The following TXNDC11 variants were observed in gnomAD, a reference collection of about 807,000 sequenced individuals.
The protein encoded by TXNDC11 is thioredoxin domain-containing protein 11.
A neutral mutation model predicts 78.0 loss-of-function variants in TXNDC11; 68 were observed. That is an observed-to-expected ratio of 0.87 (90% CI 0.72 to 1.07). TXNDC11 has a LOEUF of 1.07. TXNDC11 is among the 50% of genes least tolerant of loss of function. TXNDC11 has a pLI of 0.00. For synonymous variants in TXNDC11, 571 were observed against 495.2 expected (o/e 1.15, Z -2.03); for missense variants, 1,389 against 1,221.8 (o/e 1.14, Z -2.04).
chr16:11,721,075 G>A (rs2051690833), intron 5 of TXNDC11, among the ~76,000 whole-genome samples: 1 of 151,932 alleles, frequency 6.6e-6, no homozygotes, highest in African/African-American at 2.4e-5. Flanking sequence ...AAACATTTGC[G>A]AGACTATATG....
In TXNDC11 at chr16:11,687,950, T is replaced by A. The variant is rs574964364; in HGVS notation, c.2060A>T (p.Tyr687Phe). The A allele has an allele frequency of 4.4e-5, 71 of 1,613,454 alleles. No individual in the cohort carries two copies. The highest frequency in any genetic ancestry group is 5.6e-5 in the Non-Finnish European group (66 of 1,179,670). The change falls in exon 10 of 12, where the codon TAT becomes TTT. Residue 687 changes from tyrosine (Y) to phenylalanine (F), a missense_variant. Coordinates refer to ENST00000283033, the MANE Select transcript of TXNDC11 (RefSeq NM_015914.7). ...ACAGAAGCCGCACCACGGAGCGTAA[T>A]AGAGCAGGAGAACGTCCTGTGGGAA... ...VLQKQDVLLL[Y>F]YAPWCGFCPS...
chr16:11,698,183 G>A lies in TXNDC11; in HGVS notation c.1049C>T (p.Ala350Val), dbSNP rs370268157. The change falls in exon 7 of 12, where the codon GCG becomes GTG. Residue 350 changes from alanine (A) to valine (V), a missense_variant. Transcript: ENST00000283033. Reference protein sequence around the residue: ...LLNNELKKGPALFLFIPFNPL... With the variant: ...LLNNELKKGPVLFLFIPFNPL... ...ATTAAAAGGTATGAACAGAAACAGC[G>A]CTGGTCCTTTCTTCAGCTCGTTATT... 8.8e-5 allele frequency: 142 copies of A among 1,614,104 alleles called. No homozygotes were observed. Among genetic ancestry groups the A allele is most frequent in the Non-Finnish European group, 1.1e-4 (134 of 1,180,046 alleles).
At chr16:11,729,035 G>C (rs1394185535) in intron 4 of TXNDC11, among the ~76,000 whole-genome samples, 1 of 151,498 alleles carries the variant, frequency 6.6e-6, no homozygotes, top group Non-Finnish European at 1.5e-5. Context: ...AATCAATGGA[G>C]TACTGCTAAA....
intron 1 of TXNDC11, among the ~76,000 whole-genome samples, chr16:11,741,132 C>T (rs191679415): frequency 1.9e-4 from 29 of 152,262 alleles, no homozygotes; most frequent in Non-Finnish European, 2.6e-4. Flanking sequence ...AGTACCTGGC[C>T]TATGGAAAAT....
At chr16:11,730,823 C>T (rs1408911800) in intron 3 of TXNDC11, 49 bp from the exon 4 acceptor site, 26 of 1,396,988 alleles carry the variant, frequency 1.9e-5, no homozygotes, top group Middle Eastern at 2.4e-4. Flanking sequence ...AAATAATACA[C>T]CATGCATTAA....
intron 5 of TXNDC11, among the ~76,000 whole-genome samples, chr16:11,702,973 C>G (rs897714688): frequency 2.0e-5 from 3 of 152,046 alleles, no homozygotes; most frequent in Non-Finnish European, 4.4e-5. Context: ...ATAAGCCAGG[C>G]TGGGGAAAGG....
Position 11,691,709 on chromosome 16 carries a change from T to C in TXNDC11, c.1481A>G (p.Asn494Ser), listed in dbSNP as rs777223555. ...HVASDSIECS[N>S]FLTSYSPFSY... is the part of the protein sequence containing the mutation. ...GAAGGGGCTATAGGAAGTTAAAAAA[T>C]TGCTGCATTCTATGCTGTCTGATGC... Residue 494 changes from asparagine (N) to serine (S), a missense_variant, in exon 8 of 12, where the codon AAT becomes AGT. By Grantham distance (46) the Asn-to-Ser change is conservative. Transcript: ENST00000283033. 1 of 1,614,202 alleles carries C rather than the reference T, an allele frequency of 6.2e-7. No homozygotes were observed. Among genetic ancestry groups the C allele is most frequent in the Non-Finnish European group, 8.5e-7 (1 of 1,180,042 alleles).
chr16:11,679,207 G>T lies in TXNDC11; in HGVS notation c.2865C>A (p.Asn955Lys). The change falls in exon 12 of 12, where the codon AAC becomes AAA. Residue 955 changes from asparagine to lysine, a missense_variant. Coordinates refer to ENST00000283033, the MANE Select transcript of TXNDC11 (RefSeq NM_015914.7). The surrounding 1 kb of genome is among the most constrained non-coding windows in gnomAD (Gnocchi z 4.6). ...ATLVSERNKE[N>K]RTD is the part of the protein sequence containing the mutation. ...ATCATTTAAAAAGTTAGTCTGTCCTGTTCTCCTTATTCCTTTCAGACACCA... is the reference window on the plus strand; with the variant it reads ...ATCATTTAAAAAGTTAGTCTGTCCTTTTCTCCTTATTCCTTTCAGACACCA... 6.2e-7 allele frequency: 1 copy of T among 1,613,666 alleles called. No homozygotes were observed. Among genetic ancestry groups the T allele is most frequent in the Non-Finnish European group, 8.5e-7 (1 of 1,179,996 alleles).
At chr16:11,691,057 A>G (rs370735103) in intron 8 of TXNDC11, 8 of 541,148 alleles carry the variant, frequency 1.5e-5, no homozygotes, top group African/African-American at 1.3e-4. Flanking sequence ...TACCCCCACC[A>G]TGGGCTAAAT....
chr16:11,692,127 G>C (rs759098812), intron 7 of TXNDC11, 45 bp from the exon 8 acceptor site: 1 of 1,453,286 alleles, frequency 6.9e-7, no homozygotes, highest in Admixed American at 2.3e-5. Context: ...GGATGACTGA[G>C]GGACTAGCAC....
chr16:11,683,149 A>G (rs1334728733), intron 11 of TXNDC11, among the ~76,000 whole-genome samples: 1 of 152,210 alleles, frequency 6.6e-6, no homozygotes, highest in Non-Finnish European at 1.5e-5. Flanking sequence ...ATTAGGCTCT[A>G]AAGGACCAAG....
At chr16:11,683,731 T>C (rs1191395479) in intron 11 of TXNDC11, among the ~76,000 whole-genome samples, 1 of 151,706 alleles carries the variant, frequency 6.6e-6, no homozygotes, top group African/African-American at 2.4e-5. Context: ...TACAACCCTT[T>C]TATGTCCCTA....
rs752913474 is a variant in TXNDC11, at chr16:11,679,431, C to G, written c.2641G>C (p.Ala881Pro). The change falls in exon 12 of 12, where the codon GCC becomes CCC. Residue 881 changes from alanine to proline, a missense_variant. Ala to Pro is a conservative substitution (Grantham distance 27). Transcript: ENST00000283033. The surrounding 1 kb of genome is among the most constrained non-coding windows in gnomAD (Gnocchi z 4.6). ...QELARKLQEL[A>P]DASENLLTEN... ...GTAAGGAGGTTTTCTGAGGCATCGGCCAGCTCCTGCAGCTTGCGGGCCAGC... is the reference window on the plus strand; with the variant it reads ...GTAAGGAGGTTTTCTGAGGCATCGGGCAGCTCCTGCAGCTTGCGGGCCAGC... 4.3e-6 allele frequency: 7 copies of G among 1,613,324 alleles called. No homozygotes were observed. In the African/African-American group the frequency reaches 8.0e-5, roughly 18 times the overall value.
intron 5 of TXNDC11, among the ~76,000 whole-genome samples, chr16:11,702,187 T>C (rs74008197): frequency 0.038 from 5,850 of 152,052 alleles, 388 homozygotes; most frequent in African/African-American, 0.13. Context: ...TGGTTTGATG[T>C]TGGAGAACGA....
intron 2 of TXNDC11, among the ~76,000 whole-genome samples, chr16:11,735,794 G>A (rs930423809): frequency 6.6e-6 from 1 of 152,192 alleles, no homozygotes; most frequent in African/African-American, 2.4e-5. Flanking sequence ...GCATTGGCTT[G>A]TGTTATGAGA....
intron 5 of TXNDC11, among the ~76,000 whole-genome samples, chr16:11,707,119 T>C (rs2051203943): frequency 6.6e-6 from 1 of 152,166 alleles, no homozygotes; most frequent in Non-Finnish European, 1.5e-5. Context: ...TTAAATTTAA[T>C]TTTAAATATT....
At position 11,698,270 on chromosome 16, in the gene TXNDC11, A is replaced by G. The variant is rs1597430978; in HGVS notation, c.962T>C (p.Leu321Ser). The G allele has an allele frequency of 1.9e-6, 3 of 1,614,112 alleles. No homozygotes were observed. The highest frequency in any genetic ancestry group is 1.7e-6 in the Non-Finnish European group (2 of 1,180,026). ...CCGAAAGAGCGTCTCCTGGTTTTCT[A>G]AGGCCCACTTACAGATGTTCTCAGC... ...YTAENICKWA[L>S]ENQETLFRWL... Residue 321 changes from leucine (L) to serine (S), a missense_variant, in exon 7 of 12, where the codon TTA (leucine) becomes TCA (serine). By Grantham distance (145) the Leu-to-Ser change is moderately radical (BLOSUM62 -2). Transcript: ENST00000283033.
Position 11,730,783 on chromosome 16 carries a change from AAAAAAT to A in TXNDC11, c.570-15_570-10del, listed in dbSNP as rs552963155. The A allele has an allele frequency of 1.6e-3, 2,493 of 1,530,582 alleles. 28 individuals are homozygous for A. Among genetic ancestry groups the A allele is most frequent in the Middle Eastern group, 0.016 (91 of 5,690 alleles). 94.8% of individuals were successfully genotyped at this position (1,530,582 alleles called of 1,614,324 possible). ...ATTCGATTGGTCCAAAACTAGTACC[AAAAAAT>A]AAAAATAAAAATAAAAATAATAAAA... On this transcript the variant is annotated splice_polypyrimidine_tract_variant and intron_variant, in intron 3 of 11. Coordinates refer to ENST00000283033, the MANE Select transcript of TXNDC11 (RefSeq NM_015914.7).
chr16:11,702,679 A>G (rs968827122), intron 5 of TXNDC11, among the ~76,000 whole-genome samples: 2 of 152,244 alleles, frequency 1.3e-5, no homozygotes, highest in African/African-American at 2.4e-5. Context: ...CTCTGCCTCC[A>G]AAGTAAATAA....
Sources: gnomAD v4.1 joint callset for allele counts (sites outside exome capture counted in the v4.1 genomes callset) on GRCh38, gnomAD v4.1.1 for gene constraint, Gnocchi (gnomAD v3.1) non-coding constraint, MANE v1.5 for transcripts, NCBI Gene and HGNC (gene_info 2026-07-23, HGNC 2026-07-21) for gene names.